TMCO4: variants seen among roughly 807,000 people sequenced by gnomAD.
The protein encoded by TMCO4 is transmembrane and coiled-coil domains 4.
TMCO4 carries 58 observed loss-of-function variants against 64.7 expected under a neutral mutation model. That is an observed-to-expected ratio of 0.90 (90% CI 0.73 to 1.12). The LOEUF (loss-of-function observed/expected upper bound fraction) is 1.12, where lower values mean the gene tolerates loss of function less well. Ranked by LOEUF, TMCO4 falls within the 50% of genes most tolerant of loss-of-function variation. The pLI is 0.00. For missense variants in TMCO4, 780 were observed against 825.9 expected (o/e 0.94, Z 0.68); for synonymous variants, 325 against 346.1 (o/e 0.94, Z 0.68).
At chr1:19,740,043 A>C in intron 11 of TMCO4, 83 bp from the exon 12 acceptor site, 1 of 1,478,746 alleles carries the variant, frequency 6.8e-7, no homozygotes, top group Non-Finnish European at 9.1e-7. Context: ...AGATGCTCAA[A>C]TAAATGCATG....
In TMCO4 at chr1:19,694,566, A is replaced by G. The variant is rs2095222983; in HGVS notation, c.1383-15T>C. On this transcript the variant is annotated splice_polypyrimidine_tract_variant and intron_variant, in intron 14 of 15. Coordinates refer to ENST00000294543, the MANE Select transcript of TMCO4 (RefSeq NM_181719.7). ...GCCAGTCTCCCCTGTGGGAGGGTAGAGAAGCATGTGAACATTAGCACCAGC... is the reference window on the plus strand; with the variant it reads ...GCCAGTCTCCCCTGTGGGAGGGTAGGGAAGCATGTGAACATTAGCACCAGC... 1 of 1,612,160 alleles carries G rather than the reference A, an allele frequency of 6.2e-7. No homozygotes were observed. Among genetic ancestry groups the G allele is most frequent in the Non-Finnish European group, 8.5e-7 (1 of 1,178,544 alleles).
rs184509077 is a variant in TMCO4 at position 19,715,940 on chromosome 1, C to T, written c.1265-15055G>A. On this transcript the variant is annotated intron_variant, in intron 13 of 15. Coordinates refer to ENST00000294543, the MANE Select transcript of TMCO4 (RefSeq NM_181719.7). The stretch of plus-strand genomic sequence containing the variant: ...GAAAGCCTGCCCCTCCCTGGAGTCC[C>T]TGAGATGGAGCCATGAGTATGGGAC... Among the ~76,000 whole-genome samples the T allele has an allele frequency of 4.6e-4, 70 of 152,284 alleles. No individual in the cohort carries two copies. In the Middle Eastern group the frequency reaches 0.01, roughly 22 times the overall value.
chr1:19,775,287 G>C (rs1367301573), intron 4 of TMCO4, among the ~76,000 whole-genome samples: 1 of 152,172 alleles, frequency 6.6e-6, no homozygotes, highest in Non-Finnish European at 1.5e-5. Flanking sequence ...ATGTTGGCCA[G>C]GCTGGTCTTG....
chr1:19,707,876 T>A (rs916756588), intron 13 of TMCO4, among the ~76,000 whole-genome samples: 2 of 152,146 alleles, frequency 1.3e-5, no homozygotes, highest in African/African-American at 4.8e-5. Flanking sequence ...TGTCTTCCCA[T>A]GGTGGAGCAG....
chr1:19,773,491 TG>T (rs1469723831), intron 4 of TMCO4, among the ~76,000 whole-genome samples: 2 of 152,110 alleles, frequency 1.3e-5, no homozygotes, highest in African/African-American at 4.8e-5. Flanking sequence ...CGGATGCAGG[TG>T]CCCCAGGGAG....
intron 13 of TMCO4, among the ~76,000 whole-genome samples, chr1:19,715,655 G>T (rs1209488963): frequency 6.6e-6 from 1 of 152,184 alleles, no homozygotes; most frequent in African/African-American, 2.4e-5. Flanking sequence ...AAAGGCAGTC[G>T]GTAACTCTCC....
At chr1:19,781,344 G>A (rs1232615376) in intron 3 of TMCO4, among the ~76,000 whole-genome samples, 2 of 151,956 alleles carry the variant, frequency 1.3e-5, no homozygotes, top group Non-Finnish European at 1.5e-5. Context: ...GCACACGCCT[G>A]TAGTTCCAGC....
At chr1:19,735,811 C>A (rs554181917) in intron 13 of TMCO4, among the ~76,000 whole-genome samples, 21 of 152,268 alleles carry the variant, frequency 1.4e-4, no homozygotes, top group Non-Finnish European at 2.5e-4. Context: ...CTACATCTCT[C>A]TAGGTAACGA....
intron 13 of TMCO4, among the ~76,000 whole-genome samples, chr1:19,713,093 T>C (rs1443187673): frequency 6.6e-6 from 1 of 152,108 alleles, no homozygotes; most frequent in Non-Finnish European, 1.5e-5. Context: ...GGTTTGAAAA[T>C]GGCATGATGC....
intron 14 of TMCO4, among the ~76,000 whole-genome samples, chr1:19,696,035 G>A (rs947174785): frequency 2.0e-5 from 3 of 151,992 alleles, no homozygotes; most frequent in East Asian, 1.9e-4. Context: ...TGAATGCGAC[G>A]GCCTCTGCAC....
chr1:19,743,388 G>A lies in TMCO4; in HGVS notation c.877+2144C>T, dbSNP rs761984685. On this transcript the variant is annotated intron_variant, in intron 10 of 15. Coordinates refer to ENST00000294543, the MANE Select transcript of TMCO4 (RefSeq NM_181719.7). The surrounding 1 kb of genome is among the most constrained non-coding windows in gnomAD (Gnocchi z 4.1). ...TAAAGGGGTGGTCCAAAGAAAGTCCGGTCATTCCTATCACATGGAAAAAGC... is the reference window on the plus strand; with the variant it reads ...TAAAGGGGTGGTCCAAAGAAAGTCCAGTCATTCCTATCACATGGAAAAAGC... Among the ~76,000 whole-genome samples the A allele has an allele frequency of 5.3e-5, 8 of 152,186 alleles. No individual in the cohort carries two copies. Among genetic ancestry groups the A allele is most frequent in the Non-Finnish European group, 8.8e-5 (6 of 68,036 alleles).
chr1:19,694,660 G>A, intron 14 of TMCO4, 109 bp from the exon 15 acceptor site: 4 of 984,522 alleles, frequency 4.1e-6, no homozygotes, highest in Non-Finnish European at 6.2e-6. Flanking sequence ...TGGAGCTTCT[G>A]GGGGAAAACA....
chr1:19,788,770 A>G (rs2043870224), intron 2 of TMCO4, among the ~76,000 whole-genome samples: 1 of 152,184 alleles, frequency 6.6e-6, no homozygotes, highest in African/African-American at 2.4e-5. Context: ...ATATGACTCT[A>G]GTTATGTTTT....
chr1:19,773,475 A>C (rs2043075135), intron 4 of TMCO4, among the ~76,000 whole-genome samples: 1 of 152,204 alleles, frequency 6.6e-6, no homozygotes, highest in African/African-American at 2.4e-5. Context: ...TGCATCAGCC[A>C]GTTACCGGAT....
intron 15 of TMCO4, among the ~76,000 whole-genome samples, chr1:19,694,055 G>A (rs973311617): frequency 6.6e-6 from 1 of 152,168 alleles, no homozygotes; most frequent in Non-Finnish European, 1.5e-5. Flanking sequence ...AGGCTGCAAT[G>A]CAATGGCACG....
intron 15 of TMCO4, among the ~76,000 whole-genome samples, chr1:19,688,057 C>T (rs892760336): frequency 5.3e-5 from 8 of 152,166 alleles, no homozygotes; most frequent in African/African-American, 1.4e-4. Context: ...GAAGATTCAG[C>T]CCCTGACCAT....
chr1:19,741,738 C>T (rs931843432), intron 10 of TMCO4, among the ~76,000 whole-genome samples: 1 of 144,638 alleles, frequency 6.9e-6, no homozygotes, highest in African/African-American at 2.6e-5. Flanking sequence ...TTCTTTCTTT[C>T]TTTCTTTTTT....
chr1:19,737,991 G>T (rs1264849809), intron 12 of TMCO4, among the ~76,000 whole-genome samples: 1 of 152,252 alleles, frequency 6.6e-6, no homozygotes. Context: ...TAGTAAGTCA[G>T]ATGGAAAGAG....
rs1004186246 is a variant in TMCO4 at position 19,734,433 on chromosome 1, G to A, written c.1264+2939C>T. On this transcript the variant is annotated intron_variant, in intron 13 of 15. Coordinates refer to ENST00000294543, the MANE Select transcript of TMCO4 (RefSeq NM_181719.7). The surrounding 1 kb of genome is among the most constrained non-coding windows in gnomAD (Gnocchi z 4.4). ...ATGTGTGTGAACTGTAGGGTGCCCA[G>A]CACCAGTGCCCCCGGGTCCTCCTTG... Among the ~76,000 whole-genome samples, 4 of 152,096 alleles carry A rather than the reference G, an allele frequency of 2.6e-5. No individual in the cohort carries two copies. Among genetic ancestry groups the A allele is most frequent in the African/African-American group, 9.7e-5 (4 of 41,430 alleles).
Sources: allele counts gnomAD v4.1 joint callset (sites outside exome capture counted in the v4.1 genomes callset), GRCh38; gene constraint gnomAD v4.1.1; non-coding constraint Gnocchi (gnomAD v3.1); transcripts MANE v1.5; gene names NCBI Gene and HGNC (gene_info 2026-07-23, HGNC 2026-07-21).